CSMD1: variants seen among roughly 807,000 people sequenced by gnomAD.
CSMD1 encodes the protein CUB and Sushi multiple domains 1.
CSMD1 carries 213 observed loss-of-function variants against 417.5 expected under a neutral mutation model. The observed-to-expected ratio is 0.51, with a 90% CI of 0.46 to 0.57. The LOEUF (loss-of-function observed/expected upper bound fraction) is 0.57. Among genes scored for constraint, CSMD1 ranks in the 20% least tolerant of loss-of-function variants. The pLI is 0.00. For synonymous variants in CSMD1, 2,862 were observed against 1,736.8 expected, an observed-to-expected ratio of 1.65 and a Z score of -16.11; for missense variants, 6,923 against 4,529.7, an observed-to-expected ratio of 1.53 and a Z score of -15.17.
At chr8:4,171,500 A>G (rs528082795) in intron 3 of CSMD1, among the ~76,000 whole-genome samples, 3 of 152,004 alleles carry the variant, frequency 2.0e-5, no homozygotes, top group African/African-American at 4.8e-5. Context: ...TATGTGATCA[A>G]TCTTTGTACT....
At chr8:3,904,047 C>T (rs1332904640) in intron 5 of CSMD1, among the ~76,000 whole-genome samples, 1 of 152,054 alleles carries the variant, frequency 6.6e-6, no homozygotes, top group East Asian at 1.9e-4. Context: ...TTCCTGCAGC[C>T]CTGATTTCCT....
At chr8:3,839,292 A>T in intron 5 of CSMD1, among the ~76,000 whole-genome samples, 1 of 124,142 alleles carries the variant, frequency 8.1e-6, no homozygotes, top group East Asian at 2.2e-4. Context: ...TATTAATTAT[A>T]TATACTATTA....
chr8:4,187,780 G>C (rs1454394237), intron 3 of CSMD1, among the ~76,000 whole-genome samples: 1 of 149,772 alleles, frequency 6.7e-6, no homozygotes, highest in South Asian at 2.1e-4. Context: ...TCACCATATA[G>C]TAAAATAGGC....
chr8:3,569,577 A>G (rs1799861519), intron 10 of CSMD1, among the ~76,000 whole-genome samples: 1 of 152,212 alleles, frequency 6.6e-6, no homozygotes, highest in Non-Finnish European at 1.5e-5. Flanking sequence ...AATTCTTCAC[A>G]TCCAAAATGC....
intron 55 of CSMD1, among the ~76,000 whole-genome samples, chr8:2,976,178 A>T (rs2128935930): frequency 6.6e-6 from 1 of 151,692 alleles, no homozygotes; most frequent in Admixed American, 6.6e-5. Context: ...ATTTGAGATG[A>T]GTTTCTGTGT....
intron 33 of CSMD1, among the ~76,000 whole-genome samples, chr8:3,195,582 T>A (rs1030805530): frequency 3.3e-5 from 5 of 152,104 alleles, no homozygotes; most frequent in Non-Finnish European, 7.4e-5. Context: ...TTCTGTGAAA[T>A]GACAAAGATC....
At chr8:4,850,881 T>C (rs1220932944) in intron 1 of CSMD1, among the ~76,000 whole-genome samples, 2 of 152,102 alleles carry the variant, frequency 1.3e-5, no homozygotes, top group Admixed American at 6.5e-5. Flanking sequence ...ACATGAACCT[T>C]TATGCATTGA....
chr8:3,193,534 T>G (rs1057017477), intron 33 of CSMD1, among the ~76,000 whole-genome samples: 1 of 152,090 alleles, frequency 6.6e-6, no homozygotes, highest in Non-Finnish European at 1.5e-5. Flanking sequence ...GGTCTGGCCC[T>G]TCACCTGGAC....
At chr8:3,516,089 C>G (rs767687445) in intron 10 of CSMD1, among the ~76,000 whole-genome samples, 1 of 152,146 alleles carries the variant, frequency 6.6e-6, no homozygotes. Flanking sequence ...CTCAGACAGC[C>G]TGGTTACTTG....
At chr8:4,473,982 G>C (rs1425975115) in intron 2 of CSMD1, among the ~76,000 whole-genome samples, 2 of 152,044 alleles carry the variant, frequency 1.3e-5, no homozygotes, top group African/African-American at 4.8e-5. Flanking sequence ...TGTGTCAAAA[G>C]AGACACAAAA....
chr8:4,294,993 C>G (rs1321498907), intron 3 of CSMD1, among the ~76,000 whole-genome samples: 2 of 150,008 alleles, frequency 1.3e-5, no homozygotes, highest in African/African-American at 2.4e-5. Flanking sequence ...GTCACCTGAT[C>G]TGAACCCAAT....
intron 3 of CSMD1, among the ~76,000 whole-genome samples, chr8:4,280,600 T>C (rs548164466): frequency 6.6e-6 from 1 of 152,312 alleles, no homozygotes; most frequent in Admixed American, 6.5e-5. Context: ...TGGGTACTGT[T>C]TGAAGGTAAA....
intron 5 of CSMD1, among the ~76,000 whole-genome samples, chr8:3,870,969 AAATAT>A (rs1354797276): frequency 6.6e-6 from 1 of 151,152 alleles, no homozygotes; most frequent in African/African-American, 2.4e-5. Flanking sequence ...TTATATTCTT[AAATAT>A]AAGTTAATTT....
intron 1 of CSMD1, among the ~76,000 whole-genome samples, chr8:4,839,331 G>A (rs1800698994): frequency 6.6e-6 from 1 of 152,160 alleles, no homozygotes; most frequent in Non-Finnish European, 1.5e-5. Flanking sequence ...GATAGCATAT[G>A]CAATGAATGC....
At chr8:4,986,242 T>C (rs1239403855) in intron 1 of CSMD1, among the ~76,000 whole-genome samples, 1 of 152,168 alleles carries the variant, frequency 6.6e-6, no homozygotes, top group Non-Finnish European at 1.5e-5. Context: ...GGAAAGATTT[T>C]AGGAACCACA....
In CSMD1 at chr8:4,637,551, G is replaced by T. The variant is rs772015537; in HGVS notation, c.93C>A (p.Asn31Lys). The change falls in exon 2 of 70, where the codon AAC (asparagine) becomes AAA (lysine). Residue 31 changes from asparagine to lysine, a missense_variant. Transcript: ENST00000635120. ...ARLLTAAKGQ[N>K]CGGLVQGPNG... Reference sequence around the variant, plus strand: ...TGGGACCCTGGACTAAGCCTCCACAGTTCTGACCTGGAAGAGAAAACACAC... The same window carrying T: ...TGGGACCCTGGACTAAGCCTCCACATTTCTGACCTGGAAGAGAAAACACAC... 1.9e-6 allele frequency: 3 copies of T among 1,588,616 alleles called. No homozygotes were observed. Among genetic ancestry groups the T allele is most frequent in the South Asian group, 2.2e-5 (2 of 90,666 alleles).
chr8:4,245,568 T>C (rs185485605), intron 3 of CSMD1, among the ~76,000 whole-genome samples: 51 of 152,282 alleles, frequency 3.3e-4, no homozygotes, highest in African/African-American at 1.2e-3. Flanking sequence ...GTAGAGGAAA[T>C]GTGAGTTCAC....
At chr8:4,388,632 C>G (rs1279117388) in intron 3 of CSMD1, among the ~76,000 whole-genome samples, 3 of 152,040 alleles carry the variant, frequency 2.0e-5, no homozygotes, top group African/African-American at 7.2e-5. Flanking sequence ...GCACCAAAAT[C>G]TTGCAAATCA....
In CSMD1 at chr8:3,573,479, C is replaced by G. The variant is rs908175190; in HGVS notation, c.1344+1466G>C. 4.6e-5 allele frequency among the ~76,000 whole-genome samples: 7 copies of G among 152,252 alleles called. No individual in the cohort carries two copies. The East Asian group carries it at 7.7e-4, about 17-fold the overall frequency. On this transcript the variant is annotated intron_variant, in intron 10 of 69. Coordinates refer to ENST00000635120, the MANE Select transcript of CSMD1 (RefSeq NM_033225.6). ...GGCTTTTGTCACAGCAAAGAGAGCC[C>G]AGAAATTCCTCAGTGTTTCAGAAAG... is the stretch of plus-strand genomic sequence containing the variant.
Sources: allele counts gnomAD v4.1 joint callset (sites outside exome capture counted in the v4.1 genomes callset), GRCh38; gene constraint gnomAD v4.1.1; transcripts MANE v1.5; gene names NCBI Gene and HGNC (gene_info 2026-07-23, HGNC 2026-07-21).